The following ZFAND6 variants were observed in gnomAD, a reference collection of about 807,000 sequenced individuals.
The protein encoded by ZFAND6 is zinc finger AN1-type containing 6, also known as AN1-type zinc finger protein 6.
Under a neutral mutation model 24.5 loss-of-function variants are expected in ZFAND6, and 12 were observed. The ratio of observed to expected loss-of-function variants is 0.49; its 90% CI spans 0.31 to 0.79. ZFAND6 has a LOEUF of 0.79. Among genes scored for constraint, ZFAND6 ranks in the 30% least tolerant of loss-of-function variants. The probability of loss-of-function intolerance (pLI) is 0.04; values close to 1 mark genes in which losing one functional copy is unlikely to be tolerated. For missense variants in ZFAND6, 207 were observed against 245.9 expected (o/e 0.84, Z 1.06); for synonymous variants, 92 against 81.5 (o/e 1.13, Z -0.69).
chr15:80,136,654 A>G (rs1280960312), intron 6 of ZFAND6, among the ~76,000 whole-genome samples: 1 of 152,216 alleles, frequency 6.6e-6, no homozygotes, highest in African/African-American at 2.4e-5. Flanking sequence ...AATGGAGGTT[A>G]ACATCAAATA....
intron 1 of ZFAND6, among the ~76,000 whole-genome samples, chr15:80,096,500 G>C (rs2038729899): frequency 6.6e-6 from 1 of 152,142 alleles, no homozygotes; most frequent in East Asian, 1.9e-4. Context: ...TACCATATAA[G>C]TCGATTATAG....
Position 80,121,596 on chromosome 15 carries a change from AT to A in ZFAND6, c.155-114del. ...AAAATAATGAACCAACATACTACAT[AT>A]TAAAAGAAAACCTCTATACTGTGTT... On this transcript the variant is annotated intron_variant, in intron 3 of 6. Coordinates refer to ENST00000261749, the MANE Select transcript of ZFAND6 (RefSeq NM_019006.4). 4 of 697,936 alleles carry A rather than the reference AT, an allele frequency of 5.7e-6. 1 individual carries two copies. Among genetic ancestry groups the A allele is most frequent in the Non-Finnish European group, 8.6e-6 (4 of 465,112 alleles). The allele number at this position is 697,936 out of a possible 1,614,324, so 43.2% of individuals were successfully genotyped here. A position where few individuals can be genotyped will look rare whatever the true frequency, so the allele number is the denominator to read the frequency against.
intron 1 of ZFAND6, among the ~76,000 whole-genome samples, chr15:80,086,650 C>G (rs969427247): frequency 6.6e-6 from 1 of 152,174 alleles, no homozygotes; most frequent in Non-Finnish European, 1.5e-5. Context: ...TTAGCTTAAT[C>G]TTTTATTGTG....
chr15:80,092,228 C>A (rs2038418918), intron 1 of ZFAND6, among the ~76,000 whole-genome samples: 2 of 151,460 alleles, frequency 1.3e-5, no homozygotes, highest in Admixed American at 1.3e-4. Flanking sequence ...TGGCTTCCAC[C>A]TGTAATCCCA....
chr15:80,106,963 A>C (rs756730789), intron 2 of ZFAND6, among the ~76,000 whole-genome samples: 8 of 152,244 alleles, frequency 5.3e-5, no homozygotes, highest in Non-Finnish European at 7.3e-5. Flanking sequence ...CTGTAATCTC[A>C]GCACTTTGGG....
chr15:80,080,790 A>AG (rs1229738686), intron 1 of ZFAND6, among the ~76,000 whole-genome samples: 1 of 152,208 alleles, frequency 6.6e-6, no homozygotes, highest in African/African-American at 2.4e-5. Context: ...GCAAAGAGGG[A>AG]GCTGGTGCAT....
chr15:80,092,390 C>T (rs139211740), intron 1 of ZFAND6, among the ~76,000 whole-genome samples: 306 of 150,992 alleles, frequency 2.0e-3, no homozygotes, highest in African/African-American at 6.9e-3. Flanking sequence ...GAGCCAAGAT[C>T]GTGCCACTGC....
chr15:80,132,575 T>C (rs554067202), intron 6 of ZFAND6, among the ~76,000 whole-genome samples: 134 of 152,348 alleles, frequency 8.8e-4, no homozygotes, highest in Non-Finnish European at 1.4e-3. Context: ...GCTGCAAGTA[T>C]CCACTTAAAA....
chr15:80,124,159 C>T (rs766954300), intron 5 of ZFAND6, among the ~76,000 whole-genome samples: 5 of 152,292 alleles, frequency 3.3e-5, no homozygotes, highest in Non-Finnish European at 7.4e-5. Flanking sequence ...AAAGACTGGG[C>T]GCGGTGGCTC....
intron 2 of ZFAND6, among the ~76,000 whole-genome samples, chr15:80,108,893 AATTTTTGT>A (rs2039470957): frequency 6.6e-6 from 1 of 151,892 alleles, no homozygotes; most frequent in South Asian, 2.1e-4. Flanking sequence ...ACGCCTGGCT[AATTTTTGT>A]ATTTTTAGTA....
At chr15:80,068,392 G>A (rs1265426741) in intron 1 of ZFAND6, among the ~76,000 whole-genome samples, 2 of 150,956 alleles carry the variant, frequency 1.3e-5, no homozygotes, top group Non-Finnish European at 3.0e-5. Context: ...TTTTTTTTGA[G>A]ATGGAGTCTC....
intron 5 of ZFAND6, among the ~76,000 whole-genome samples, chr15:80,125,003 ACT>A (rs1240498381): frequency 1.3e-5 from 2 of 152,186 alleles, no homozygotes; most frequent in African/African-American, 4.8e-5. Flanking sequence ...ATGTGCACAC[ACT>A]CATACACTTA....
intron 2 of ZFAND6, among the ~76,000 whole-genome samples, chr15:80,099,291 G>T (rs564572758): frequency 2.6e-4 from 40 of 152,110 alleles, no homozygotes; most frequent in Middle Eastern, 6.8e-3. Flanking sequence ...TTTTCTTTAT[G>T]GATTTAGGAG....
At chr15:80,104,592 A>G (rs1036997375) in intron 2 of ZFAND6, among the ~76,000 whole-genome samples, 4 of 152,186 alleles carry the variant, frequency 2.6e-5, no homozygotes, top group African/African-American at 9.7e-5. Flanking sequence ...CTTTTCAGGT[A>G]TTATTGACCA....
intron 1 of ZFAND6, among the ~76,000 whole-genome samples, chr15:80,077,697 C>CTTTTTTTT (rs11441423): frequency 4.3e-5 from 5 of 115,308 alleles, no homozygotes; most frequent in Non-Finnish European, 6.8e-5. Context: ...AGTTTTCTTT[C>CTTTTTTTT]TTTTTTTTTT....
Position 80,098,509 on chromosome 15 carries a change from A to G in ZFAND6, c.-87A>G, listed in dbSNP as rs2038860232. 6.6e-6 allele frequency: 1 copy of G among 152,240 alleles called. No individual in the cohort carries two copies. Among genetic ancestry groups the G allele is most frequent in the African/African-American group, 2.4e-5 (1 of 41,470 alleles). 9.4% of individuals were successfully genotyped at this position (152,240 alleles called of 1,614,324 possible). On this transcript the variant is annotated 5_prime_UTR_variant, in exon 2 of 7. Transcript: ENST00000261749. Reference sequence around the variant, plus strand: ...AACTTTTAAGTAGCTGCTTATGAGAATAGGGAAGGCAGAAAGCTAATGTCT... The same window carrying G: ...AACTTTTAAGTAGCTGCTTATGAGAGTAGGGAAGGCAGAAAGCTAATGTCT...
At chr15:80,073,488 A>G (rs1270623101) in intron 1 of ZFAND6, among the ~76,000 whole-genome samples, 3 of 151,934 alleles carry the variant, frequency 2.0e-5, no homozygotes, top group Admixed American at 6.5e-5. Context: ...ATAAATTGCA[A>G]TAATCATTGC....
chr15:80,135,671 C>T (rs2142068757), intron 6 of ZFAND6, among the ~76,000 whole-genome samples: 1 of 152,392 alleles, frequency 6.6e-6, no homozygotes, highest in East Asian at 1.9e-4. Flanking sequence ...TATGGTGGCT[C>T]ACACCTATAA....
At chr15:80,136,426 C>A (rs2040867916) in intron 6 of ZFAND6, among the ~76,000 whole-genome samples, 2 of 151,880 alleles carry the variant, frequency 1.3e-5, no homozygotes. Context: ...GATCATGCCA[C>A]TGCACTGCAG....
Sources: allele counts gnomAD v4.1 joint callset (sites outside exome capture counted in the v4.1 genomes callset), GRCh38; gene constraint gnomAD v4.1.1; transcripts MANE v1.5; gene names NCBI Gene and HGNC (gene_info 2026-07-23, HGNC 2026-07-21).